IQSEC1: variants seen among roughly 807,000 people sequenced by gnomAD.
The protein encoded by IQSEC1 is IQ motif and SEC7 domain-containing protein 1.
In IQSEC1, 31 loss-of-function variants were observed where a neutral mutation model predicts 91.0. The observed-to-expected ratio is 0.34, with a 90% CI of 0.26 to 0.46. IQSEC1 has a LOEUF of 0.46. IQSEC1 is among the 20% of genes least tolerant of loss of function. The pLI is 1.00. For missense variants in IQSEC1, 1,388 were observed against 1,575.6 expected (o/e 0.88, Z 2.02); for synonymous variants, 699 against 662.6 (o/e 1.05, Z -0.84).
intron 2 of IQSEC1, among the ~76,000 whole-genome samples, chr3:13,144,927 C>A (rs1440210248): frequency 6.6e-6 from 1 of 152,180 alleles, no homozygotes; most frequent in South Asian, 2.1e-4. Context: ...AGGGCTAAGG[C>A]GAGGTCCCTG....
intron 1 of IQSEC1, among the ~76,000 whole-genome samples, chr3:13,044,196 A>G (rs1704402519): frequency 6.6e-6 from 1 of 152,174 alleles, no homozygotes; most frequent in Admixed American, 6.5e-5. Context: ...ATGGTTCTCA[A>G]CCAGAGGCGT....
chr3:12,988,633 A>G (rs1023468459), intron 1 of IQSEC1, among the ~76,000 whole-genome samples: 1 of 152,138 alleles, frequency 6.6e-6, no homozygotes, highest in African/African-American at 2.4e-5. Context: ...GGCAAGAGGG[A>G]CATTATTAGC....
intron 1 of IQSEC1, among the ~76,000 whole-genome samples, chr3:12,993,741 C>T (rs1702098978): frequency 1.3e-5 from 2 of 152,234 alleles, no homozygotes; most frequent in Non-Finnish European, 1.5e-5. Flanking sequence ...CACCGCAGAG[C>T]CCAGCTCAGA....
At chr3:12,973,797 C>T (rs1053546873) in intron 1 of IQSEC1, among the ~76,000 whole-genome samples, 2 of 152,134 alleles carry the variant, frequency 1.3e-5, no homozygotes, top group South Asian at 4.1e-4. Context: ...CCACCAAGAC[C>T]CAGTGCTGCC....
chr3:13,039,451 G>GT, intron 1 of IQSEC1, among the ~76,000 whole-genome samples: 1 of 152,334 alleles, frequency 6.6e-6, no homozygotes, highest in South Asian at 2.1e-4. Context: ...ATACTCTTAA[G>GT]TTTGGGATCG....
chr3:13,229,517 C>T (rs1027195579), intron 1 of IQSEC1, among the ~76,000 whole-genome samples: 1 of 152,110 alleles, frequency 6.6e-6, no homozygotes, highest in African/African-American at 2.4e-5. Flanking sequence ...ACAGGCTGCC[C>T]GGGACTGACT....
chr3:12,919,493 G>A (rs555242466), intron 6 of IQSEC1, among the ~76,000 whole-genome samples: 5 of 152,320 alleles, frequency 3.3e-5, no homozygotes, highest in Non-Finnish European at 5.9e-5. Context: ...TGGAGACCCC[G>A]GAGTAGAGCT....
At chr3:13,000,183 C>T (rs775010033) in intron 1 of IQSEC1, among the ~76,000 whole-genome samples, 2 of 152,162 alleles carry the variant, frequency 1.3e-5, no homozygotes, top group Non-Finnish European at 2.9e-5. Flanking sequence ...ATCAATTTGA[C>T]CAGGTAGTTC....
chr3:12,901,274 C>T lies in IQSEC1; in HGVS notation c.3054G>A (p.Gly1018=), dbSNP rs781447591. Residue 1018 remains glycine (G), a synonymous_variant, in exon 14 of 14, where the codon GGG becomes GGA. Transcript: ENST00000613206. ...VAGHHLGPPE[G]LPQAAMHGHH... ...GCCCGTGCATGGCGGCCTGCGGCAG[C>T]CCCTCTGGGGGCCCCAGGTGGTGGC... 27 of 1,548,500 alleles carry T rather than the reference C, an allele frequency of 1.7e-5. No individual in the cohort carries two copies. In the South Asian group the frequency reaches 2.4e-4, roughly 14 times the overall value.
intron 1 of IQSEC1, among the ~76,000 whole-genome samples, chr3:13,197,413 A>G (rs2125043630): frequency 6.6e-6 from 1 of 152,318 alleles, no homozygotes; most frequent in East Asian, 1.9e-4. Flanking sequence ...CCTGGCAGAC[A>G]GGACGTGCTG....
intron 2 of IQSEC1, among the ~76,000 whole-genome samples, chr3:13,079,955 G>A (rs1705623597): frequency 6.6e-6 from 1 of 152,224 alleles, no homozygotes; most frequent in Admixed American, 6.5e-5. Flanking sequence ...GTTTCCTGGA[G>A]GACAAGATGT....
intron 2 of IQSEC1, among the ~76,000 whole-genome samples, chr3:13,081,064 T>A (rs1249701822): frequency 6.6e-6 from 1 of 152,136 alleles, no homozygotes; most frequent in Non-Finnish European, 1.5e-5. Context: ...TTAAAAGAGA[T>A]GTTTACAATG....
At chr3:13,176,457 T>C (rs1180425645) in intron 1 of IQSEC1, among the ~76,000 whole-genome samples, 1 of 152,176 alleles carries the variant, frequency 6.6e-6, no homozygotes, top group African/African-American at 2.4e-5. Context: ...GAGCCTCTGC[T>C]CCACCCCATT....
intron 1 of IQSEC1, among the ~76,000 whole-genome samples, chr3:13,061,747 C>T (rs1372782914): frequency 6.6e-6 from 1 of 152,212 alleles, no homozygotes; most frequent in Non-Finnish European, 1.5e-5. Flanking sequence ...GCCAGGCTCT[C>T]CTCTAACTCC....
intron 1 of IQSEC1, among the ~76,000 whole-genome samples, chr3:13,060,398 G>A (rs1481893831): frequency 1.3e-5 from 2 of 152,158 alleles, no homozygotes; most frequent in Non-Finnish European, 2.9e-5. Context: ...GTGGGGCCCG[G>A]GACCTTACGG....
intron 1 of IQSEC1, among the ~76,000 whole-genome samples, chr3:13,215,182 C>T (rs1559278964): frequency 6.6e-6 from 1 of 152,094 alleles, no homozygotes; most frequent in African/African-American, 2.4e-5. Flanking sequence ...GGAGGAAAAT[C>T]AAACCAAGCC....
rs147676922 is a variant in IQSEC1 at position 13,260,286 on chromosome 3, C to A, written c.272+22425G>T. Among the ~76,000 whole-genome samples, 506 of 152,268 alleles carry A rather than the reference C, an allele frequency of 3.3e-3. 4 individuals are homozygous for A. Among genetic ancestry groups the A allele is most frequent in the Non-Finnish European group, 5.4e-3 (369 of 68,012 alleles). On this transcript the variant is annotated intron_variant, in intron 1 of 15. Coordinates refer to the IQSEC1 transcript ENST00000648114. ...CCTGACATTTGCTGCTGCTTGGAAG[C>A]CAACCAGAAAGGTATGGGGTTGCCT...
intron 10 of IQSEC1, among the ~76,000 whole-genome samples, chr3:12,910,653 T>C: frequency 6.6e-6 from 1 of 151,876 alleles, no homozygotes; most frequent in East Asian, 1.9e-4. Flanking sequence ...ATACAGGGAG[T>C]GCAGGGTCTC....
Position 12,925,055 on chromosome 3 carries a change from G to C in IQSEC1, c.1569-313C>G, listed in dbSNP as rs141700645. The stretch of plus-strand genomic sequence containing the variant: ...CTTGTACAAAGAATGGGCTGGGCTG[G>C]CTGCAGGGGTGCTTCTGTGGGAGCT... On this transcript the variant is annotated intron_variant, in intron 3 of 13. Transcript: ENST00000613206. Among the ~76,000 whole-genome samples, 1,150 of 152,324 alleles carry C rather than the reference G, an allele frequency of 7.5e-3. 13 individuals carry two copies. The highest frequency in any genetic ancestry group is 0.026 in the African/African-American group (1,100 of 41,558).
Sources: allele counts gnomAD v4.1 joint callset (sites outside exome capture counted in the v4.1 genomes callset), GRCh38; gene constraint gnomAD v4.1.1; transcripts MANE v1.5; gene names NCBI Gene and HGNC (gene_info 2026-07-23, HGNC 2026-07-21).